CSMD1: variants seen among roughly 807,000 people sequenced by gnomAD.
CSMD1 encodes the protein CUB and Sushi multiple domains 1.
Under a neutral mutation model 417.5 loss-of-function variants are expected in CSMD1, and 213 were observed. The ratio of observed to expected loss-of-function variants is 0.51; its 90% CI spans 0.46 to 0.57. The LOEUF (loss-of-function observed/expected upper bound fraction) is 0.57, where lower values mean the gene tolerates loss of function less well. Ranked by LOEUF, CSMD1 falls within the 20% of genes least tolerant of loss-of-function variation. The pLI, the probability that CSMD1 is intolerant of heterozygous loss-of-function variation, is 0.00. For synonymous variants in CSMD1, 2,862 were observed against 1,736.8 expected, an observed-to-expected ratio of 1.65 and a Z score of -16.11; for missense variants, 6,923 against 4,529.7, an observed-to-expected ratio of 1.53 and a Z score of -15.17.
At chr8:4,894,938 C>T (rs1038522075) in intron 1 of CSMD1, among the ~76,000 whole-genome samples, 4 of 152,076 alleles carry the variant, frequency 2.6e-5, no homozygotes, top group African/African-American at 9.7e-5. Context: ...AACATAAGGC[C>T]AGGAATCAAA....
intron 3 of CSMD1, among the ~76,000 whole-genome samples, chr8:4,147,775 G>C (rs895051327): frequency 7.9e-5 from 12 of 152,206 alleles, no homozygotes; most frequent in African/African-American, 1.9e-4. Flanking sequence ...TGCCATGTGA[G>C]ATCAGAGCCT....
At chr8:3,045,582 C>T (rs1411681360) in intron 50 of CSMD1, among the ~76,000 whole-genome samples, 1 of 152,064 alleles carries the variant, frequency 6.6e-6, no homozygotes, top group Non-Finnish European at 1.5e-5. Context: ...CTATGGTGAC[C>T]CCATCACCTA....
chr8:3,590,240 C>CA (rs746311132), intron 8 of CSMD1, among the ~76,000 whole-genome samples: 2 of 152,092 alleles, frequency 1.3e-5, no homozygotes, highest in African/African-American at 2.4e-5. Flanking sequence ...GGTAGTATCA[C>CA]AAGTATCACA....
At chr8:4,928,007 AT>A (rs1417106326) in intron 1 of CSMD1, among the ~76,000 whole-genome samples, 2 of 152,122 alleles carry the variant, frequency 1.3e-5, no homozygotes, top group African/African-American at 4.8e-5. Context: ...CACACCCCAC[AT>A]CCTCAGCGGC....
intron 1 of CSMD1, among the ~76,000 whole-genome samples, chr8:4,642,967 G>C (rs1290364259): frequency 6.6e-6 from 1 of 152,196 alleles, no homozygotes; most frequent in African/African-American, 2.4e-5. Context: ...AGTCATTTGA[G>C]AAATGATGGA....
intron 51 of CSMD1, among the ~76,000 whole-genome samples, chr8:3,020,625 T>C (rs1457037857): frequency 6.6e-6 from 1 of 152,188 alleles, no homozygotes; most frequent in African/African-American, 2.4e-5. Context: ...TCCTCCCATC[T>C]TGGCCTTCCC....
intron 5 of CSMD1, among the ~76,000 whole-genome samples, chr8:3,905,869 C>T (rs1392911900): frequency 1.3e-5 from 2 of 152,220 alleles, no homozygotes; most frequent in Non-Finnish European, 2.9e-5. Flanking sequence ...CCCAATTTAG[C>T]AGAAGGTTTC....
chr8:3,156,256 AC>A (rs1158243493), intron 39 of CSMD1, among the ~76,000 whole-genome samples: 8 of 152,222 alleles, frequency 5.3e-5, no homozygotes, highest in African/African-American at 1.7e-4. Context: ...TTCTGAGCAC[AC>A]CCCCAGCAAT....
chr8:3,947,725 C>A lies in CSMD1; in HGVS notation c.818+50178G>T, dbSNP rs73658503. ...TTTAATTGACTAAGCCTTTTTTTAA[C>A]GGCACAGAATATAGTTTATCTTAGT... On this transcript the variant is annotated intron_variant, in intron 5 of 69. Coordinates refer to ENST00000635120, the MANE Select transcript of CSMD1 (RefSeq NM_033225.6). 2.6e-3 allele frequency among the ~76,000 whole-genome samples: 394 copies of A among 152,026 alleles called. 2 individuals carry two copies. The highest frequency in any genetic ancestry group is 8.8e-3 in the African/African-American group (365 of 41,468).
chr8:4,589,863 T>G (rs1209878471), intron 2 of CSMD1, among the ~76,000 whole-genome samples: 1 of 152,186 alleles, frequency 6.6e-6, no homozygotes, highest in African/African-American at 2.4e-5. Flanking sequence ...ATTTTCAGAA[T>G]CTATCAGGAG....
At chr8:3,004,595 T>C (rs1033097228) in intron 52 of CSMD1, among the ~76,000 whole-genome samples, 2 of 152,224 alleles carry the variant, frequency 1.3e-5, no homozygotes, top group East Asian at 3.8e-4. Flanking sequence ...ACAATGTAAA[T>C]ATATCCTCAT....
chr8:4,936,929 T>G (rs2117217108), intron 1 of CSMD1, among the ~76,000 whole-genome samples: 1 of 152,376 alleles, frequency 6.6e-6, no homozygotes, highest in South Asian at 2.1e-4. Flanking sequence ...TTATTTTTGT[T>G]GTCGGCTCTG....
intron 7 of CSMD1, among the ~76,000 whole-genome samples, chr8:3,660,955 G>A (rs559978984): frequency 2.6e-5 from 4 of 152,286 alleles, no homozygotes; most frequent in East Asian, 3.9e-4. Context: ...AAGACTGACA[G>A]GTGTGAAGCA....
intron 66 of CSMD1, 104 bp downstream of exon 66, chr8:2,951,010 G>C (rs688894): frequency 0.8 from 948,007 of 1,179,452 alleles, 382,192 homozygotes; most frequent in East Asian, 0.88. Flanking sequence ...AAAGCCAACA[G>C]AACAGTAATA....
intron 2 of CSMD1, among the ~76,000 whole-genome samples, chr8:4,439,051 TG>T: frequency 6.6e-6 from 1 of 152,342 alleles, no homozygotes; most frequent in East Asian, 1.9e-4. Context: ...TAATCTTAGC[TG>T]ATATAGGTCT....
At chr8:4,908,813 C>T (rs923186507) in intron 1 of CSMD1, among the ~76,000 whole-genome samples, 1 of 152,058 alleles carries the variant, frequency 6.6e-6, no homozygotes, top group Non-Finnish European at 1.5e-5. Context: ...GTCTACTTTT[C>T]CCATTAGCAC....
At chr8:3,886,502 C>T (rs1200798661) in intron 5 of CSMD1, among the ~76,000 whole-genome samples, 1 of 152,200 alleles carries the variant, frequency 6.6e-6, no homozygotes, top group Admixed American at 6.5e-5. Flanking sequence ...TGTCACACTA[C>T]CCAGCAGTGC....
intron 3 of CSMD1, among the ~76,000 whole-genome samples, chr8:4,239,932 A>G (rs1162401147): frequency 6.6e-6 from 1 of 152,250 alleles, no homozygotes. Context: ...TTAGTAAGTC[A>G]TAACAAAAAA....
intron 3 of CSMD1, among the ~76,000 whole-genome samples, chr8:4,285,490 C>T (rs1335610214): frequency 6.6e-6 from 1 of 152,064 alleles, no homozygotes; most frequent in Non-Finnish European, 1.5e-5. Flanking sequence ...TGGGCTTTTC[C>T]AAATATAAAG....
Sources: gnomAD v4.1 joint callset for allele counts (sites outside exome capture counted in the v4.1 genomes callset) on GRCh38, gnomAD v4.1.1 for gene constraint, MANE v1.5 for transcripts, NCBI Gene and HGNC (gene_info 2026-07-23, HGNC 2026-07-21) for gene names.